Variants in ODAD2 observed in about 807,000 individuals in gnomAD.
The protein encoded by ODAD2 is outer dynein arm-docking complex subunit 2.
In ODAD2, 89 loss-of-function variants were observed where a neutral mutation model predicts 106.8. The ratio of observed to expected loss-of-function variants is 0.83; its 90% CI spans 0.70 to 0.99. The LOEUF is 0.99. Ranked by LOEUF, ODAD2 falls within the 50% of genes least tolerant of loss-of-function variation. The pLI, the probability that ODAD2 is intolerant of heterozygous loss-of-function variation, is 0.00. For missense variants in ODAD2, 1,168 were observed against 1,238.5 expected, an observed-to-expected ratio of 0.94 and a Z score of 0.85; for synonymous variants, 404 against 436.2, an observed-to-expected ratio of 0.93 and a Z score of 0.92.
intron 17 of ODAD2, among the ~76,000 whole-genome samples, chr10:27,877,392 G>A (rs1564456509): frequency 6.6e-6 from 1 of 152,170 alleles, no homozygotes; most frequent in East Asian, 1.9e-4. Flanking sequence ...GTCCCCGTGA[G>A]ATCATGGGCA....
intron 19 of ODAD2, among the ~76,000 whole-genome samples, chr10:27,848,539 A>G (rs1489833778): frequency 7.8e-5 from 2 of 25,578 alleles, no homozygotes; most frequent in African/African-American, 2.2e-4. Context: ...CAATGGTAAC[A>G]AAAGCCAAAA....
intron 17 of ODAD2, among the ~76,000 whole-genome samples, chr10:27,899,823 T>A (rs970942781): frequency 2.9e-4 from 44 of 152,076 alleles, no homozygotes; most frequent in African/African-American, 1.0e-3. Context: ...GTCAGGAGCT[T>A]ATACATAAAA....
chr10:27,940,444 T>C (rs555970094), intron 13 of ODAD2, 119 bp downstream of exon 13: 2 of 1,236,308 alleles, frequency 1.6e-6, no homozygotes, highest in Admixed American at 4.9e-5. Flanking sequence ...CTCTTTCTCA[T>C]AGAATGCTGA....
intron 19 of ODAD2, among the ~76,000 whole-genome samples, chr10:27,829,727 G>A (rs1369462092): frequency 1.3e-5 from 2 of 152,014 alleles, no homozygotes; most frequent in African/African-American, 4.8e-5. Flanking sequence ...TTGCTAAAAT[G>A]TTATAAAATG....
chr10:27,993,149 T>C (rs1850333677), intron 2 of ODAD2, among the ~76,000 whole-genome samples: 1 of 152,096 alleles, frequency 6.6e-6, no homozygotes, highest in Non-Finnish European at 1.5e-5. Flanking sequence ...TCCTGATCTC[T>C]GGTGATCTGC....
rs199761489 is a variant in ODAD2 at position 27,830,764 on chromosome 10, TAA to T, written c.3022-18141_3022-18140del. On this transcript the variant is annotated intron_variant, in intron 19 of 19. Coordinates refer to ENST00000305242, the MANE Select transcript of ODAD2 (RefSeq NM_018076.5). ...CCCAGAGTTCCTGATGGAGATTCAA[TAA>T]AGTCATTCCTTCAATACTGATCTTA... Among the ~76,000 whole-genome samples the T allele has an allele frequency of 7.4e-3, 1,134 of 152,326 alleles. 47 individuals are homozygous for T. The highest frequency in any genetic ancestry group is 0.06 in the Admixed American group (910 of 15,290).
intron 16 of ODAD2, among the ~76,000 whole-genome samples, chr10:27,924,008 A>AAGAGAGAGAGAG (rs1320664230): frequency 3.8e-5 from 4 of 104,246 alleles, no homozygotes; most frequent in African/African-American, 1.2e-4. Flanking sequence ...GAAAGAAAGA[A>AAGAGAGAGAGAG]AGAAAGAAAG....
chr10:27,991,959 T>TC, intron 2 of ODAD2, among the ~76,000 whole-genome samples: 1 of 152,348 alleles, frequency 6.6e-6, no homozygotes, highest in Middle Eastern at 3.4e-3. Context: ...ACTGTTTTGA[T>TC]AATAAATTCT....
At chr10:27,907,247 C>T (rs575012367) in intron 17 of ODAD2, among the ~76,000 whole-genome samples, 59 of 152,266 alleles carry the variant, frequency 3.9e-4, no homozygotes, top group African/African-American at 1.4e-3. Flanking sequence ...TTCAAAGCAA[C>T]ACAGAACGTA....
chr10:27,905,980 C>A (rs1167176419), intron 17 of ODAD2, among the ~76,000 whole-genome samples: 1 of 152,072 alleles, frequency 6.6e-6, no homozygotes, highest in East Asian at 1.9e-4. Flanking sequence ...GACTAAAACA[C>A]CAAAAGCAAT....
chr10:27,824,143 A>T (rs1836852540), intron 19 of ODAD2, among the ~76,000 whole-genome samples: 1 of 112,026 alleles, frequency 8.9e-6, no homozygotes, highest in Non-Finnish European at 1.6e-5. Flanking sequence ...CGTCTCAAAA[A>T]AAAAAAAAAA....
intron 1 of ODAD2, among the ~76,000 whole-genome samples, chr10:27,998,593 T>G (rs1850696577): frequency 1.4e-5 from 2 of 144,568 alleles, no homozygotes; most frequent in African/African-American, 2.6e-5. Context: ...GTCCCCAACC[T>G]AGGGCCGAGG....
At chr10:27,997,159 G>A (rs1325113450) in intron 1 of ODAD2, among the ~76,000 whole-genome samples, 1 of 152,064 alleles carries the variant, frequency 6.6e-6, no homozygotes, top group Non-Finnish European at 1.5e-5. Flanking sequence ...ATTTGTTCTG[G>A]GTGTTTGTTT....
At chr10:27,955,063 CATCA>C (rs1452075370) in intron 10 of ODAD2, among the ~76,000 whole-genome samples, 1 of 152,208 alleles carries the variant, frequency 6.6e-6, no homozygotes. Flanking sequence ...GCTCAACCCA[CATCA>C]ATGTAGCAAC....
At chr10:27,919,722 T>TAA (rs1844639778) in intron 16 of ODAD2, among the ~76,000 whole-genome samples, 1 of 152,148 alleles carries the variant, frequency 6.6e-6, no homozygotes, top group African/African-American at 2.4e-5. Context: ...TTTGGAAGTT[T>TAA]CTAGTAAAGT....
chr10:27,877,630 T>C (rs16928388), intron 17 of ODAD2, among the ~76,000 whole-genome samples: 3,383 of 152,290 alleles, frequency 0.022, 147 homozygotes, highest in African/African-American at 0.077. Flanking sequence ...AAAAAGTAAT[T>C]ATTCTGCCAA....
chr10:27,814,730 G>A (rs756227566), intron 19 of ODAD2, among the ~76,000 whole-genome samples: 4 of 152,148 alleles, frequency 2.6e-5, no homozygotes, highest in African/African-American at 7.2e-5. Context: ...TGCATAGTCC[G>A]TCTTTTGAAT....
intron 16 of ODAD2, 89 bp downstream of exon 16, chr10:27,934,921 T>C (rs1183336082): frequency 1.4e-6 from 2 of 1,467,038 alleles, no homozygotes; most frequent in Non-Finnish European, 1.9e-6. Context: ...TTCGTGCACA[T>C]CAATTCTAAG....
intron 17 of ODAD2, among the ~76,000 whole-genome samples, chr10:27,876,992 G>T (rs988208049): frequency 2.0e-5 from 3 of 151,744 alleles, no homozygotes; most frequent in African/African-American, 4.8e-5. Flanking sequence ...CAGTCTTCTT[G>T]TTCTTTGATT....
Sources: gnomAD v4.1 joint callset for allele counts (sites outside exome capture counted in the v4.1 genomes callset) on GRCh38, gnomAD v4.1.1 for gene constraint, MANE v1.5 for transcripts, NCBI Gene and HGNC (gene_info 2026-07-23, HGNC 2026-07-21) for gene names.